DNAH9: variants seen among roughly 807,000 people sequenced by gnomAD.
The protein encoded by DNAH9 is DNAH9 variant protein.
DNAH9 carries 345 observed loss-of-function variants against 471.6 expected under a neutral mutation model. The observed-to-expected ratio is 0.73, with a 90% CI of 0.67 to 0.80. The LOEUF (loss-of-function observed/expected upper bound fraction) is 0.80. Among genes scored for constraint, DNAH9 ranks in the 30% least tolerant of loss-of-function variants. DNAH9 has a pLI of 0.00. For synonymous variants in DNAH9, 2,093 were observed against 2,123.6 expected, an observed-to-expected ratio of 0.99 and a Z score of 0.40; for missense variants, 5,407 against 5,609.2, an observed-to-expected ratio of 0.96 and a Z score of 1.15.
chr17:11,720,689 A>G (rs568512189), intron 27 of DNAH9, among the ~76,000 whole-genome samples: 1 of 152,342 alleles, frequency 6.6e-6, no homozygotes, highest in Non-Finnish European at 1.5e-5. Flanking sequence ...AATGAGATTC[A>G]TCCTCTATAA....
chr17:11,617,654 C>G (rs1311228076), intron 5 of DNAH9, 32 bp downstream of exon 5: 2 of 1,529,264 alleles, frequency 1.3e-6, no homozygotes, highest in South Asian at 1.1e-5. Flanking sequence ...AGCAACTGCT[C>G]CCTGGGGGCT....
At chr17:11,959,983 A>G (rs2151450055) in intron 67 of DNAH9, among the ~76,000 whole-genome samples, 2 of 152,372 alleles carry the variant, frequency 1.3e-5, no homozygotes, top group African/African-American at 4.8e-5. Flanking sequence ...GCCACCAGAC[A>G]CTACAGTCTA....
intron 48 of DNAH9, among the ~76,000 whole-genome samples, chr17:11,834,227 G>A (rs867525221): frequency 1.6e-4 from 24 of 150,086 alleles, no homozygotes; most frequent in African/African-American, 5.6e-4. Flanking sequence ...TACCTGAGAG[G>A]CTGAGACAGG....
chr17:11,617,211 A>T (rs2072764073), intron 4 of DNAH9, among the ~76,000 whole-genome samples, 200 bp from the exon 5 acceptor site: 1 of 152,126 alleles, frequency 6.6e-6, no homozygotes, highest in Non-Finnish European at 1.5e-5. Context: ...ATGTTACAAG[A>T]CAGAACTCTT....
intron 22 of DNAH9, among the ~76,000 whole-genome samples, chr17:11,697,918 CT>C (rs2074504219): frequency 6.6e-6 from 1 of 151,010 alleles, no homozygotes; most frequent in South Asian, 2.1e-4. Flanking sequence ...CTTCATGTTT[CT>C]TTAATGTAAT....
intron 37 of DNAH9, 69 bp downstream of exon 37, chr17:11,768,695 C>A: frequency 6.4e-7 from 1 of 1,554,818 alleles, no homozygotes. Context: ...GCTCCAGTAG[C>A]AGCCCCGCAT....
intron 10 of DNAH9, among the ~76,000 whole-genome samples, chr17:11,642,874 A>G (rs557264330): frequency 9.2e-5 from 14 of 151,924 alleles, no homozygotes; most frequent in East Asian, 2.0e-4. Context: ...CTGCTCTTTC[A>G]TCACAAACGT....
At chr17:11,777,715 G>T (rs886323934) in intron 38 of DNAH9, among the ~76,000 whole-genome samples, 5 of 152,152 alleles carry the variant, frequency 3.3e-5, no homozygotes, top group African/African-American at 4.8e-5. Context: ...ATTATAAACC[G>T]CAAGGTTGGA....
Position 11,619,683 on chromosome 17 carries a change from T to C in DNAH9, c.1252T>C (p.Tyr418His). 1 of 1,613,922 alleles carries C rather than the reference T, an allele frequency of 6.2e-7. No homozygotes were observed. Among genetic ancestry groups the C allele is most frequent in the South Asian group, 1.1e-5 (1 of 91,076 alleles). The change falls in exon 6 of 69, where the codon TAC becomes CAC. Residue 418 changes from tyrosine (Y) to histidine (H), a missense_variant. Coordinates refer to ENST00000262442, the MANE Select transcript of DNAH9 (RefSeq NM_001372.4). ...FQDRRENLHT[Y>H]FKENQEVKEW... is the part of the protein sequence containing the mutation. ...GGACAGAAGGGAGAATCTCCACACTTACTTCAAAGAGAACCAGGAAGTCAA... is the reference window on the plus strand; with the variant it reads ...GGACAGAAGGGAGAATCTCCACACTCACTTCAAAGAGAACCAGGAAGTCAA...
intron 43 of DNAH9, among the ~76,000 whole-genome samples, chr17:11,807,085 G>A (rs1969716828): frequency 6.6e-6 from 1 of 152,088 alleles, no homozygotes; most frequent in Non-Finnish European, 1.5e-5. Flanking sequence ...GAGCAGTAAG[G>A]CTGTGAAGGG....
At chr17:11,637,407 G>A (rs555362764) in intron 9 of DNAH9, among the ~76,000 whole-genome samples, 1 of 152,272 alleles carries the variant, frequency 6.6e-6, no homozygotes, top group Middle Eastern at 3.4e-3. Flanking sequence ...GTTCTTTATA[G>A]AATGTTGAGT....
chr17:11,834,293 A>C (rs2079532), intron 48 of DNAH9, among the ~76,000 whole-genome samples: 47,270 of 145,104 alleles, frequency 0.33, 7,896 homozygotes, highest in East Asian at 0.44. Context: ...CACGCCACTG[A>C]ATTCCAGTCC....
chr17:11,810,706 A>C (rs1279311163), intron 45 of DNAH9, among the ~76,000 whole-genome samples: 3 of 152,210 alleles, frequency 2.0e-5, no homozygotes, highest in Admixed American at 1.3e-4. Flanking sequence ...AATCAAAGAG[A>C]AACTAGAATG....
At chr17:11,704,632 G>A (rs906966615) in intron 25 of DNAH9, among the ~76,000 whole-genome samples, 190 bp downstream of exon 25, 7 of 147,144 alleles carry the variant, frequency 4.8e-5, no homozygotes, top group African/African-American at 1.8e-4. Context: ...TGCCCAGGCT[G>A]GAGTGCAATG....
At chr17:11,870,311 A>G (rs1163783867) in intron 51 of DNAH9, among the ~76,000 whole-genome samples, 2 of 152,236 alleles carry the variant, frequency 1.3e-5, no homozygotes, top group Admixed American at 6.5e-5. Flanking sequence ...TTCTCATCCC[A>G]TATATCAGCT....
intron 62 of DNAH9, among the ~76,000 whole-genome samples, chr17:11,929,030 T>A: frequency 6.8e-6 from 1 of 146,548 alleles, no homozygotes; most frequent in Admixed American, 6.8e-5. Flanking sequence ...CAGCCTTTTT[T>A]TTTTTTTTTT....
chr17:11,807,071 C>T (rs559605536), intron 43 of DNAH9, among the ~76,000 whole-genome samples: 8 of 152,078 alleles, frequency 5.3e-5, no homozygotes, highest in South Asian at 4.2e-4. Context: ...GCACTGAGAG[C>T]GGTGAGCAGT....
chr17:11,729,436 G>C (rs2075220086), intron 28 of DNAH9, among the ~76,000 whole-genome samples: 1 of 152,144 alleles, frequency 6.6e-6, no homozygotes, highest in African/African-American at 2.4e-5. Flanking sequence ...TACTCCTAGT[G>C]TGTGCCGCAC....
chr17:11,615,938 T>C (rs2072732697), intron 4 of DNAH9, among the ~76,000 whole-genome samples: 1 of 152,162 alleles, frequency 6.6e-6, no homozygotes, highest in Admixed American at 6.5e-5. Flanking sequence ...CCCCTCCACT[T>C]GAGAATCCCT....
Sources: gnomAD v4.1 joint callset for allele counts (sites outside exome capture counted in the v4.1 genomes callset) on GRCh38, gnomAD v4.1.1 for gene constraint, MANE v1.5 for transcripts, NCBI Gene and HGNC (gene_info 2026-07-23, HGNC 2026-07-21) for gene names.